The following DUSP15 variants were observed in gnomAD, a reference collection of about 807,000 sequenced individuals.
The protein encoded by DUSP15 is dual specificity protein phosphatase 15.
Under a neutral mutation model 26.3 loss-of-function variants are expected in DUSP15, and 23 were observed. The ratio of observed to expected loss-of-function variants is 0.87; its 90% confidence interval spans 0.63 to 1.24. DUSP15 has a LOEUF of 1.24. Ranked by LOEUF, DUSP15 falls within the 50% of genes most tolerant of loss-of-function variation. The probability of loss-of-function intolerance (pLI) is 0.00; values close to 1 mark genes in which losing one functional copy is unlikely to be tolerated. For synonymous variants in DUSP15, 143 were observed against 135.5 expected (o/e 1.06, Z -0.39); for missense variants, 364 against 320.6 (o/e 1.14, Z -1.03).
In DUSP15 at chr20:31,861,495, G is replaced by C. The variant is rs376427119; in HGVS notation, c.616C>G (p.Arg206Gly). The C allele has an allele frequency of 1.3e-6, 2 of 1,533,438 alleles. No individual in the cohort carries two copies. Among genetic ancestry groups the C allele is most frequent in the Non-Finnish European group, 8.7e-7 (1 of 1,149,486 alleles). 95.0% of individuals were successfully genotyped at this position (1,533,438 alleles called of 1,614,324 possible). Residue 206 changes from arginine to glycine, a missense_variant, in exon 7 of 7, where the codon CGG becomes GGG. Transcript: ENST00000339738. Reference protein sequence around the residue: ...TVQRLVPRTPREAHRPLPLLA... With the variant: ...TVQRLVPRTPGEAHRPLPLLA... ...AGCGGCAGCGGCCGGTGGGCTTCCC[G>C]GGGCGTGCGCGGCACCAGGCGCTGC...
At chr20:31,846,133 GACACACACACAGAC>G (rs1383721627), downstream of DUSP15, among the ~76,000 whole-genome samples, 5 of 127,408 alleles carry the variant, frequency 3.9e-5, no homozygotes, top group East Asian at 2.0e-4. Flanking sequence ...CACAGACACA[GACACACACACAGAC>G]ACACACACAC....
At chr20:31,867,252 C>G in intron 2 of DUSP15, 99 bp from the exon 3 acceptor site, 1 of 1,028,984 alleles carries the variant, frequency 9.7e-7, no homozygotes, top group Non-Finnish European at 1.5e-6. Flanking sequence ...CCCTCTCACC[C>G]CACCACTCCA....
rs775081198 is a variant in DUSP15 at position 31,848,901 on chromosome 20, A to G, written c.631T>C (p.Trp211Arg). The G allele has an allele frequency of 5.0e-6, 8 of 1,610,986 alleles. No homozygotes were observed. In the East Asian group the frequency reaches 1.1e-4, roughly 22 times the overall value. ...ATCTGGTACTTTGGGTCCGGTGACCATCCTGCAGGTGGGCACACAATTATA... is the reference window on the plus strand; with the variant it reads ...ATCTGGTACTTTGGGTCCGGTGACCGTCCTGCAGGTGGGCACACAATTATA... Residue 211 changes from tryptophan (W) to arginine (R), a missense_variant and splice_region_variant, in exon 9 of 10, where the codon TGG becomes CGG. Transcript: ENST00000278979.
At chr20:31,863,743 G>C in intron 5 of DUSP15, 164 bp downstream of exon 5, 2 of 642,696 alleles carry the variant, frequency 3.1e-6, no homozygotes, top group Non-Finnish European at 5.5e-6. Flanking sequence ...AAGGAATAGA[G>C]TCCCGGGTTG....
downstream of DUSP15, among the ~76,000 whole-genome samples, chr20:31,856,615 T>A (rs1469106980): frequency 1.3e-5 from 2 of 152,044 alleles, no homozygotes; most frequent in Non-Finnish European, 2.9e-5. Context: ...AGGGTTCAGA[T>A]ACCCAGGTGG....
chr20:31,867,769 G>A (rs921261989), intron 2 of DUSP15, among the ~76,000 whole-genome samples: 2 of 149,496 alleles, frequency 1.3e-5, no homozygotes, highest in South Asian at 2.2e-4. Flanking sequence ...CTCAGCCTCC[G>A]GAGTAGCTGG....
At chr20:31,863,560 G>T in intron 5 of DUSP15, 1 of 240,830 alleles carries the variant, frequency 4.2e-6, no homozygotes. Context: ...CACCTCCAAG[G>T]CCTGGAGGGG....
At chr20:31,867,772 G>A (rs566241020) in intron 2 of DUSP15, among the ~76,000 whole-genome samples, 1 of 151,422 alleles carries the variant, frequency 6.6e-6, no homozygotes, top group African/African-American at 2.4e-5. Context: ...AGCCTCCGGA[G>A]TAGCTGGGAC....
At chr20:31,853,700 C>T (rs1332264687) in intron 6 of DUSP15, among the ~76,000 whole-genome samples, 4 of 151,104 alleles carry the variant, frequency 2.6e-5, no homozygotes, top group African/African-American at 4.8e-5. Flanking sequence ...CTCCTGGGTT[C>T]GAGTGATCCT....
At chr20:31,846,460 G>T (rs2062379214), downstream of DUSP15, among the ~76,000 whole-genome samples, 1 of 151,020 alleles carries the variant, frequency 6.6e-6, no homozygotes. Context: ...GAGAGAGAGA[G>T]AGAGAGAGAG....
intron 6 of DUSP15, 119 bp downstream of exon 6, chr20:31,862,452 G>GA (rs765513697): frequency 9.0e-4 from 1,105 of 1,228,232 alleles, no homozygotes; most frequent in Non-Finnish European, 1.2e-3. Context: ...ATGAGTTTGA[G>GA]ACCCTAGAAA....
chr20:31,870,519 G>C lies in DUSP15; in HGVS notation c.-182C>G. Reference sequence around the variant, plus strand: ...CACCGCCCGCCGACCCCCGGCCCGGGAGGGAAATGGTGGTGGAGCCGCCGC... The same window carrying C: ...CACCGCCCGCCGACCCCCGGCCCGGCAGGGAAATGGTGGTGGAGCCGCCGC... On this transcript the variant is annotated 5_prime_UTR_variant, in exon 1 of 7. Coordinates refer to ENST00000339738, the MANE Select transcript of DUSP15 (RefSeq NM_080611.5). The surrounding 1 kb of genome is among the most constrained non-coding windows in gnomAD (Gnocchi z 6.6). The C allele has an allele frequency of 3.5e-6, 5 of 1,435,364 alleles. No homozygotes were observed. Among genetic ancestry groups the C allele is most frequent in the Non-Finnish European group, 4.6e-6 (5 of 1,097,644 alleles). 88.9% of individuals were successfully genotyped at this position (1,435,364 alleles called of 1,614,324 possible). A position where few individuals can be genotyped will look rare whatever the true frequency, so the allele number is the denominator to read the frequency against.
chr20:31,849,169 C>A (rs2062419925), intron 8 of DUSP15, among the ~76,000 whole-genome samples: 1 of 152,036 alleles, frequency 6.6e-6, no homozygotes, highest in African/African-American at 2.4e-5. Context: ...CCCACTGCCA[C>A]TCACCTATAC....
chr20:31,865,910 T>C (rs1038693453), intron 3 of DUSP15, among the ~76,000 whole-genome samples: 1 of 152,242 alleles, frequency 6.6e-6, no homozygotes, highest in Non-Finnish European at 1.5e-5. Context: ...TTGTGTAGGC[T>C]GTCATTTCAT....
intron 7 of DUSP15, chr20:31,850,462 C>T: frequency 2.5e-6 from 2 of 806,980 alleles, no homozygotes; most frequent in South Asian, 3.2e-5. Flanking sequence ...CTGGCATAAA[C>T]TAAGCCCTCA....
At chr20:31,868,307 G>A (rs1295500296) in intron 2 of DUSP15, among the ~76,000 whole-genome samples, 1 of 152,218 alleles carries the variant, frequency 6.6e-6, no homozygotes, top group East Asian at 1.9e-4. Flanking sequence ...AGCGGCTGAG[G>A]GAGCTCCCAG....
Position 31,861,133 on chromosome 20 carries a change from C to T in DUSP15, c.*270G>A, listed in dbSNP as rs952764374. On this transcript the variant is annotated 3_prime_UTR_variant, in exon 7 of 7. Transcript: ENST00000339738. The stretch of plus-strand genomic sequence containing the variant: ...CCGTCAAACCCTCCACTCTCCCTCC[C>T]TCCCCTCCCGCCGCCTTTAAGGGTG... 4.3e-5 allele frequency: 56 copies of T among 1,317,232 alleles called. No individual in the cohort carries two copies. Among genetic ancestry groups the T allele is most frequent in the Non-Finnish European group, 5.2e-5 (54 of 1,039,018 alleles). The allele number at this position is 1,317,232 out of a possible 1,614,324, so 81.6% of individuals were successfully genotyped here.
chr20:31,870,617 G>T (rs776063358), upstream of DUSP15: 19 of 1,362,956 alleles, frequency 1.4e-5, no homozygotes, highest in African/African-American at 2.7e-4. This position sits in a 1 kb window ranked among gnomAD's most constrained non-coding sequence, Gnocchi z 6.6. Context: ...TCGCGGCGGG[G>T]GGCCGGACAA....
At chr20:31,859,554 C>T (rs1268742967), downstream of DUSP15, among the ~76,000 whole-genome samples, 1 of 152,222 alleles carries the variant, frequency 6.6e-6, no homozygotes, top group African/African-American at 2.4e-5. Flanking sequence ...TCCTCCTTTC[C>T]TCTAGCTCCC....
Sources: gnomAD v4.1 joint callset for allele counts (sites outside exome capture counted in the v4.1 genomes callset) on GRCh38, gnomAD v4.1.1 for gene constraint, Gnocchi (gnomAD v3.1) non-coding constraint, MANE v1.5 for transcripts, NCBI Gene and HGNC (gene_info 2026-07-23, HGNC 2026-07-21) for gene names.